Variants in MIS18A observed in about 807,000 individuals in gnomAD.
MIS18A encodes protein Mis18-alpha.
Under a neutral mutation model 25.0 loss-of-function variants are expected in MIS18A, and 14 were observed. That is an observed-to-expected ratio of 0.56 (90% confidence interval 0.37 to 0.88). The LOEUF is 0.88. Among genes scored for constraint, MIS18A ranks in the 40% least tolerant of loss-of-function variants. MIS18A has a pLI of 0.00. For synonymous variants in MIS18A, 134 were observed against 118.6 expected, an observed-to-expected ratio of 1.13 and a Z score of -0.84; for missense variants, 292 against 290.8, an observed-to-expected ratio of 1.00 and a Z score of -0.03.
the MIS18A span, among the ~76,000 whole-genome samples, chr21:32,185,437 G>A: frequency 6.6e-6 from 1 of 152,144 alleles, no homozygotes; most frequent in African/African-American, 2.4e-5. Context: ...GCTCCCATGG[G>A]GAGGTCTGTG....
At chr21:32,246,806 G>T in the MIS18A span, among the ~76,000 whole-genome samples, 1 of 152,188 alleles carries the variant, frequency 6.6e-6, no homozygotes, top group Non-Finnish European at 1.5e-5. Context: ...TGCCAGAGCG[G>T]GAGCTGGGGC....
chr21:32,277,485 G>A (rs2031836667), intron 1 of MIS18A, among the ~76,000 whole-genome samples: 2 of 151,890 alleles, frequency 1.3e-5, no homozygotes, highest in South Asian at 4.1e-4. Flanking sequence ...ACGTTGTCTC[G>A]CTCTGTCTCC....
the MIS18A span, chr21:32,260,407 G>GA: frequency 1.3e-5 from 2 of 152,242 alleles, no homozygotes; most frequent in African/African-American, 4.8e-5. Flanking sequence ...GTGAGACAGA[G>GA]AGTACACAGG....
At chr21:32,187,301 C>T in the MIS18A span, among the ~76,000 whole-genome samples, 45 of 152,266 alleles carry the variant, frequency 3.0e-4, no homozygotes, top group East Asian at 9.7e-4. Flanking sequence ...AGGACATTTG[C>T]CTCCTGCCAG....
chr21:32,248,605 C>G, the MIS18A span, among the ~76,000 whole-genome samples: 1 of 152,322 alleles, frequency 6.6e-6, no homozygotes, highest in Admixed American at 6.5e-5. Flanking sequence ...TCATTCGTCT[C>G]GCTACCCTTC....
At position 32,268,383 on chromosome 21, in the gene MIS18A, T is replaced by TA. The variant is rs1346236118; in HGVS notation, c.*653dup. 6.6e-6 allele frequency: 1 copy of TA among 152,210 alleles called. No homozygotes were observed. Among genetic ancestry groups the TA allele is most frequent in the African/African-American group, 2.4e-5 (1 of 41,436 alleles). 9.4% of individuals were successfully genotyped at this position (152,210 alleles called of 1,614,324 possible). A position where few individuals can be genotyped will look rare whatever the true frequency, so the allele number is the denominator to read the frequency against. On this transcript the variant is annotated 3_prime_UTR_variant, in exon 5 of 5. Transcript: ENST00000290130. The stretch of plus-strand genomic sequence containing the variant: ...TATTCCTCCAGGTTTTTTAAGCATA[T>TA]AGTAGTACATAAGCAGGAAAAAGTA...
chr21:32,245,811 C>G, the MIS18A span, among the ~76,000 whole-genome samples: 10 of 152,200 alleles, frequency 6.6e-5, no homozygotes, highest in Non-Finnish European at 1.2e-4. Flanking sequence ...TCACCTGACA[C>G]TCAGCCTCCC....
the MIS18A span, chr21:32,260,696 T>G: frequency 6.6e-6 from 1 of 152,230 alleles, no homozygotes; most frequent in Admixed American, 6.5e-5. Flanking sequence ...AACTTGTTTG[T>G]TTTTGGTTTC....
the MIS18A span, among the ~76,000 whole-genome samples, chr21:32,247,798 C>T: frequency 6.6e-6 from 1 of 152,280 alleles, no homozygotes; most frequent in Non-Finnish European, 1.5e-5. Context: ...CTTGGACTTC[C>T]AAGCTACACG....
the MIS18A span, among the ~76,000 whole-genome samples, chr21:32,198,569 T>C: frequency 1.3e-5 from 2 of 152,186 alleles, no homozygotes; most frequent in African/African-American, 2.4e-5. Flanking sequence ...CACTAGGCAG[T>C]CTGCCCGGTT....
chr21:32,177,885 A>G, the MIS18A span, among the ~76,000 whole-genome samples: 5 of 150,164 alleles, frequency 3.3e-5, no homozygotes, highest in African/African-American at 1.2e-4. Context: ...TGTAATCCCA[A>G]TAAAAATCCT....
chr21:32,227,672 T>C, the MIS18A span, among the ~76,000 whole-genome samples: 5 of 152,130 alleles, frequency 3.3e-5, no homozygotes, highest in African/African-American at 1.2e-4. Context: ...TTCCAAAAAA[T>C]AGAAGAGGGA....
At chr21:32,235,104 G>A in the MIS18A span, among the ~76,000 whole-genome samples, 1 of 152,158 alleles carries the variant, frequency 6.6e-6, no homozygotes, top group African/African-American at 2.4e-5. Context: ...TGAATGCAGA[G>A]GAGTAGATGC....
At chr21:32,198,027 A>C in the MIS18A span, among the ~76,000 whole-genome samples, 1 of 152,252 alleles carries the variant, frequency 6.6e-6, no homozygotes, top group African/African-American at 2.4e-5. Flanking sequence ...ATTATCTAAT[A>C]GCAAACTAAA....
intron 2 of MIS18A, among the ~76,000 whole-genome samples, chr21:32,273,912 A>G (rs1168988019): frequency 6.6e-6 from 1 of 152,222 alleles, no homozygotes; most frequent in African/African-American, 2.4e-5. Flanking sequence ...TATATAGGGC[A>G]GCGCTTCCCA....
the MIS18A span, among the ~76,000 whole-genome samples, chr21:32,182,597 G>T: frequency 6.6e-6 from 1 of 152,118 alleles, no homozygotes; most frequent in African/African-American, 2.4e-5. Flanking sequence ...TCATAAGTGG[G>T]GTCCACACAT....
Position 32,279,006 on chromosome 21 carries a change from G to T in MIS18A, c.9C>A (p.Gly3=). 1.3e-6 allele frequency: 2 copies of T among 1,595,238 alleles called. No homozygotes were observed. The change falls in exon 1 of 5, where the codon GGC becomes GGA. Residue 3 remains glycine (G), a synonymous_variant. Coordinates refer to ENST00000290130, the MANE Select transcript of MIS18A (RefSeq NM_018944.3). MA[G]VRSLRCSRGC... is the part of the protein sequence containing the mutation. ...CTCTGCTACACCTCAGTGACCGAAC[G>T]CCTGCCATTACCTACAAATCGCCCG...
chr21:32,250,871 C>A, the MIS18A span, among the ~76,000 whole-genome samples: 3 of 152,326 alleles, frequency 2.0e-5, no homozygotes, highest in South Asian at 6.2e-4. Flanking sequence ...TGCCCCCACC[C>A]AAACCTCACT....
intron 2 of MIS18A, among the ~76,000 whole-genome samples, chr21:32,272,302 G>A (rs1464667180): frequency 6.6e-6 from 1 of 152,218 alleles, no homozygotes; most frequent in Middle Eastern, 3.2e-3. Flanking sequence ...AAAGCCCACA[G>A]TGCTCTTGCT....
Sources: allele counts gnomAD v4.1 joint callset (sites outside exome capture counted in the v4.1 genomes callset), GRCh38; gene constraint gnomAD v4.1.1; transcripts MANE v1.5; gene names NCBI Gene and HGNC (gene_info 2026-07-23, HGNC 2026-07-21).